Variants in CNTN6 observed in about 807,000 individuals in gnomAD.
The protein encoded by CNTN6 is contactin 6.
Under a neutral mutation model 122.8 loss-of-function variants are expected in CNTN6, and 137 were observed. The ratio of observed to expected loss-of-function variants is 1.12; its 90% confidence interval spans 0.97 to 1.29. The LOEUF (loss-of-function observed/expected upper bound fraction) is 1.29, where lower values mean the gene tolerates loss of function less well. CNTN6 is among the 50% of genes most tolerant of loss of function. The pLI is 0.00. For synonymous variants in CNTN6, 570 were observed against 426.0 expected (o/e 1.34, Z -4.16); for missense variants, 1,634 against 1,223.4 (o/e 1.34, Z -5.01).
chr3:1,161,400 G>A (rs980750097), intron 2 of CNTN6, among the ~76,000 whole-genome samples: 1 of 150,916 alleles, frequency 6.6e-6, no homozygotes, highest in African/African-American at 2.4e-5. Context: ...ATAAAACTTA[G>A]CAAAAGCCTT....
At chr3:1,227,323 A>G (rs2094297030) in intron 3 of CNTN6, among the ~76,000 whole-genome samples, 1 of 152,234 alleles carries the variant, frequency 6.6e-6, no homozygotes, top group African/African-American at 2.4e-5. Context: ...AGAGGTAATC[A>G]TGTTCTAAAG....
At chr3:1,233,650 G>A (rs568562732) in intron 4 of CNTN6, among the ~76,000 whole-genome samples, 34 of 149,160 alleles carry the variant, frequency 2.3e-4, no homozygotes, top group South Asian at 1.5e-3. Context: ...CAGGAGAATC[G>A]CGTGAACCCG....
rs1702032118 is a variant in CNTN6, at chr3:1,329,780, T to C, written c.1214-5T>C. 1 of 1,604,092 alleles carries C rather than the reference T, an allele frequency of 6.2e-7. No individual in the cohort carries two copies. The highest frequency in any genetic ancestry group is 8.5e-7 in the Non-Finnish European group (1 of 1,175,904). On this transcript the variant is annotated splice_polypyrimidine_tract_variant and splice_region_variant and intron_variant, in intron 10 of 22. Transcript: ENST00000446702. ...AAACAATTTTGTCTTTGATTTTGTTTTTAGCCTCAGCTCCAGATTTCTCCA... is the reference window on the plus strand; with the variant it reads ...AAACAATTTTGTCTTTGATTTTGTTCTTAGCCTCAGCTCCAGATTTCTCCA...
chr3:1,098,756 GCACACACACACACACA>G (rs57847953), intron 1 of CNTN6, among the ~76,000 whole-genome samples: 2 of 89,072 alleles, frequency 2.2e-5, no homozygotes, highest in Non-Finnish European at 4.1e-5. Flanking sequence ...TGGCAGTAAT[GCACACACACACACACA>G]CACACACACA....
At chr3:1,110,553 G>A (rs754655699) in intron 1 of CNTN6, among the ~76,000 whole-genome samples, 12 of 152,030 alleles carry the variant, frequency 7.9e-5, no homozygotes, top group African/African-American at 2.4e-5. Flanking sequence ...GCAAATTTGG[G>A]GAAAAAGAAA....
intron 2 of CNTN6, among the ~76,000 whole-genome samples, chr3:1,187,233 G>T (rs1020331800): frequency 6.6e-6 from 1 of 151,878 alleles, no homozygotes; most frequent in Non-Finnish European, 1.5e-5. Flanking sequence ...GATGCGTAAT[G>T]AAGTATGTTT....
At chr3:1,173,022 C>T (rs1234099848) in intron 2 of CNTN6, among the ~76,000 whole-genome samples, 1 of 152,130 alleles carries the variant, frequency 6.6e-6, no homozygotes, top group East Asian at 1.9e-4. Context: ...AAAATAAAGA[C>T]AGAACTCAGC....
At chr3:1,361,495 A>G (rs1243316156) in intron 12 of CNTN6, among the ~76,000 whole-genome samples, 1 of 152,172 alleles carries the variant, frequency 6.6e-6, no homozygotes, top group South Asian at 2.1e-4. Flanking sequence ...TGAATAAACA[A>G]TTAGTACATT....
In CNTN6 at chr3:1,249,274, A is replaced by G. The variant is rs576817152; in HGVS notation, c.358+21281A>G. Reference sequence around the variant, plus strand: ...CCACCACTAAGATGGTCATTCAACTATCCATTTATGCATCCAAACAATGCA... The same window carrying G: ...CCACCACTAAGATGGTCATTCAACTGTCCATTTATGCATCCAAACAATGCA... On this transcript the variant is annotated intron_variant, in intron 4 of 22. Coordinates refer to ENST00000446702, the MANE Select transcript of CNTN6 (RefSeq NM_001289080.2). Among the ~76,000 whole-genome samples, 36 of 152,346 alleles carry G rather than the reference A, an allele frequency of 2.4e-4. No homozygotes were observed. The South Asian group carries it at 7.0e-3, about 30-fold the overall frequency.
chr3:1,145,790 G>T (rs908602384), intron 1 of CNTN6, among the ~76,000 whole-genome samples: 1 of 152,198 alleles, frequency 6.6e-6, no homozygotes, highest in African/African-American at 2.4e-5. Flanking sequence ...TTTAGTAGTA[G>T]TCTCCTTGGA....
chr3:1,226,628 T>C (rs1369776857), intron 3 of CNTN6, among the ~76,000 whole-genome samples: 1 of 152,166 alleles, frequency 6.6e-6, no homozygotes, highest in Non-Finnish European at 1.5e-5. Context: ...TCATACCCTC[T>C]TTTTACAATC....
Position 1,385,614 on chromosome 3 carries a change from TTATAC to T in CNTN6, c.2523_2527del (p.Tyr842AspfsTer3). 1 of 1,610,104 alleles carries T rather than the reference TTATAC, an allele frequency of 6.2e-7. No homozygotes were observed. The highest frequency in any genetic ancestry group is 1.1e-5 in the South Asian group (1 of 90,346). Reference sequence around the variant, plus strand: ...TGTTTTGGTTTTTAATTATCAGGTCTTATACTGGACAGATGACTCCAAAGAATCCA... The same window carrying T: ...TGTTTTGGTTTTTAATTATCAGGTCTTGGACAGATGACTCCAAAGAATCCA... On this transcript the variant is annotated frameshift_variant, in exon 20 of 23. Transcript: ENST00000446702. LOFTEE classifies it high-confidence loss of function.
At chr3:1,340,653 G>A (rs1703753097) in intron 11 of CNTN6, among the ~76,000 whole-genome samples, 1 of 152,124 alleles carries the variant, frequency 6.6e-6, no homozygotes, top group Non-Finnish European at 1.5e-5. Context: ...TCACACCCAG[G>A]TTGGTCCCCT....
Position 1,352,437 on chromosome 3 carries a change from G to A in CNTN6, c.1478G>A (p.Ser493Asn). The A allele has an allele frequency of 4.3e-6, 7 of 1,609,530 alleles. No individual in the cohort carries two copies. Among genetic ancestry groups the A allele is most frequent in the Non-Finnish European group, 5.9e-6 (7 of 1,177,088 alleles). ...NQFGTAKNTG[S>N]LIVKERTVIT... ...TTTGGCACTGCAAAGAACACTGGCA[G>A]CCTCATTGTAAAAGGTATCATATTA... Residue 493 changes from serine (S) to asparagine (N), a missense_variant, in exon 12 of 23, where the codon AGC becomes AAC. Transcript: ENST00000446702.
At position 1,375,401 on chromosome 3, in the gene CNTN6, C is replaced by T. The variant is rs146969879; in HGVS notation, c.2095+1328C>T. ...CTAACTGAAAACCTACTGAGTCTCT[C>T]GTCTCTCCCTCTCTGTCTCTGACAT... On this transcript the variant is annotated intron_variant, in intron 16 of 22. Coordinates refer to ENST00000446702, the MANE Select transcript of CNTN6 (RefSeq NM_001289080.2). Among the ~76,000 whole-genome samples, 483 of 152,172 alleles carry T rather than the reference C, an allele frequency of 3.2e-3. 2 individuals are homozygous for T. Among genetic ancestry groups the T allele is most frequent in the African/African-American group, 0.011 (458 of 41,554 alleles).
chr3:1,366,868 T>C (rs1214142474), intron 12 of CNTN6, among the ~76,000 whole-genome samples: 1 of 152,124 alleles, frequency 6.6e-6, no homozygotes, highest in Non-Finnish European at 1.5e-5. Flanking sequence ...GAACTATGCA[T>C]CCCCTTTTTC....
intron 2 of CNTN6, among the ~76,000 whole-genome samples, chr3:1,171,433 T>G (rs2093355771): frequency 6.6e-6 from 1 of 152,216 alleles, no homozygotes. Flanking sequence ...AGCAGATAAC[T>G]AATCATATTT....
At chr3:1,152,319 A>C (rs916284754) in intron 2 of CNTN6, among the ~76,000 whole-genome samples, 1 of 151,874 alleles carries the variant, frequency 6.6e-6, no homozygotes, top group Non-Finnish European at 1.5e-5. Context: ...TTTGTATTTT[A>C]GTAGAGACAG....
At chr3:1,303,558 G>A (rs537451576) in intron 7 of CNTN6, among the ~76,000 whole-genome samples, 17 of 152,182 alleles carry the variant, frequency 1.1e-4, no homozygotes, top group African/African-American at 1.9e-4. Flanking sequence ...AAAGCTTGCC[G>A]TTATTTCAGC....
Sources: gnomAD v4.1 joint callset for allele counts (sites outside exome capture counted in the v4.1 genomes callset) on GRCh38, gnomAD v4.1.1 for gene constraint, MANE v1.5 for transcripts, NCBI Gene and HGNC (gene_info 2026-07-23, HGNC 2026-07-21) for gene names.